The following ANXA4 variants were observed in gnomAD, a reference collection of about 807,000 sequenced individuals.
ANXA4 encodes 35-beta calcimedin.
A neutral mutation model predicts 49.8 loss-of-function variants in ANXA4; 39 were observed. That is an observed-to-expected ratio of 0.78 (90% CI 0.61 to 1.02). The LOEUF (loss-of-function observed/expected upper bound fraction) is 1.02, where lower values mean the gene tolerates loss of function less well. ANXA4 is among the 50% of genes least tolerant of loss of function. The pLI, the probability that ANXA4 is intolerant of heterozygous loss-of-function variation, is 0.00. For synonymous variants in ANXA4, 134 were observed against 152.5 expected (o/e 0.88, Z 0.89); for missense variants, 360 against 410.1 (o/e 0.88, Z 1.05).
intron 3 of ANXA4, among the ~76,000 whole-genome samples, chr2:69,793,638 C>T (rs6711777): frequency 0.34 from 51,149 of 151,990 alleles, 9,837 homozygotes; most frequent in African/African-American, 0.49. Context: ...AGGAATACAG[C>T]TTCCAGGGCC....
In ANXA4 at chr2:69,724,765, G is replaced by GGCAA. The variant is rs1487035191; in HGVS notation, n.864+3896_864+3899dup. 2.6e-5 allele frequency among the ~76,000 whole-genome samples: 4 copies of GGCAA among 152,340 alleles called. No individual in the cohort carries two copies. The East Asian group carries it at 5.8e-4, about 22-fold the overall frequency. On this transcript the variant is annotated intron_variant and non_coding_transcript_variant, in intron 3 of 3. Coordinates refer to the ANXA4 transcript ENST00000418066. The stretch of plus-strand genomic sequence containing the variant: ...GGGGCAAGAAAGAAAGATAAGCTGG[G>GGCAA]GCAAGAAAGATGAACTCATTCGGCC...
intron 1 of ANXA4, among the ~76,000 whole-genome samples, chr2:69,767,714 T>A (rs1022640520): frequency 2.0e-5 from 3 of 152,132 alleles, no homozygotes; most frequent in African/African-American, 7.2e-5. Flanking sequence ...AAAAGTGTGG[T>A]CCAGTTTCCA....
At chr2:69,747,531 C>CT (rs1425325089) in intron 1 of ANXA4, among the ~76,000 whole-genome samples, 1 of 152,332 alleles carries the variant, frequency 6.6e-6, no homozygotes, top group African/African-American at 2.4e-5. Flanking sequence ...TTATAAGAAT[C>CT]TGACTGAAGC....
intron 1 of ANXA4, among the ~76,000 whole-genome samples, chr2:69,748,461 T>C (rs1350671640): frequency 6.6e-6 from 1 of 151,010 alleles, no homozygotes; most frequent in Non-Finnish European, 1.5e-5. Flanking sequence ...TAATTTTGCA[T>C]TATTTTTCAT....
At chr2:69,684,727 T>C (rs922670420) in intron 2 of ANXA4, among the ~76,000 whole-genome samples, 2 of 147,906 alleles carry the variant, frequency 1.4e-5, no homozygotes, top group Non-Finnish European at 3.0e-5. Flanking sequence ...AAAAACCCCA[T>C]CAGGTAAAAT....
chr2:69,732,764 A>G (rs1372607601), intron 3 of ANXA4, among the ~76,000 whole-genome samples: 1 of 152,224 alleles, frequency 6.6e-6, no homozygotes, highest in Non-Finnish European at 1.5e-5. Context: ...GTCTCAAAAA[A>G]AGAAAAAAAA....
intron 7 of ANXA4, 120 bp from the exon 8 acceptor site, chr2:69,812,533 T>A (rs1673752584): frequency 6.6e-6 from 5 of 760,090 alleles, no homozygotes; most frequent in Non-Finnish European, 1.1e-5. Context: ...CCTCCCTGGG[T>A]CTGAAGCTCC....
intron 1 of ANXA4, among the ~76,000 whole-genome samples, chr2:69,774,310 G>A (rs114061098): frequency 6.7e-6 from 1 of 149,148 alleles, no homozygotes; most frequent in African/African-American, 2.5e-5. Flanking sequence ...GTTATATGAG[G>A]TGTTTATGTA....
intron 1 of ANXA4, among the ~76,000 whole-genome samples, chr2:69,745,013 C>G (rs984890366): frequency 3.3e-5 from 5 of 152,070 alleles, no homozygotes; most frequent in African/African-American, 1.2e-4. Flanking sequence ...CAGGAGGATC[C>G]CTTGAGCCCA....
At chr2:69,655,333 A>G (rs1676395340) in intron 2 of ANXA4, among the ~76,000 whole-genome samples, 1 of 152,244 alleles carries the variant, frequency 6.6e-6, no homozygotes, top group Admixed American at 6.5e-5. Flanking sequence ...ATTTACAAGA[A>G]AAAAACAGAC....
At chr2:69,764,252 A>G (rs1015514214) in intron 1 of ANXA4, among the ~76,000 whole-genome samples, 2 of 152,176 alleles carry the variant, frequency 1.3e-5, no homozygotes, top group African/African-American at 4.8e-5. Flanking sequence ...CTCACCTGTA[A>G]TAGTTTACCA....
At chr2:69,745,262 A>G (rs533524912) in intron 1 of ANXA4, among the ~76,000 whole-genome samples, 4 of 152,276 alleles carry the variant, frequency 2.6e-5, no homozygotes, top group African/African-American at 9.6e-5. Context: ...TTGAGGAAGT[A>G]GTTTTTAAAA....
chr2:69,709,496 A>G (rs564749633), intron 2 of ANXA4, among the ~76,000 whole-genome samples: 5 of 152,332 alleles, frequency 3.3e-5, no homozygotes, highest in African/African-American at 7.2e-5. Flanking sequence ...CAGCAGAAGC[A>G]CAGACACGCT....
Position 69,700,772 on chromosome 2 carries a change from A to G in ANXA4, n.767-20002A>G, listed in dbSNP as rs1226992291. 6.6e-5 allele frequency among the ~76,000 whole-genome samples: 10 copies of G among 152,244 alleles called. No homozygotes were observed. The East Asian group carries it at 1.3e-3, about 20-fold the overall frequency. ...AGCTGTTTGAAGATTTTGCTGTTAC[A>G]GCTATAGAAATGAACATACTTGGCA... On this transcript the variant is annotated intron_variant and non_coding_transcript_variant, in intron 2 of 3. Transcript: ENST00000418066.
chr2:69,804,477 G>C (rs1407538936), intron 3 of ANXA4, 56 bp from the exon 4 acceptor site: 2 of 1,510,600 alleles, frequency 1.3e-6, no homozygotes, highest in Non-Finnish European at 1.8e-6. Flanking sequence ...AGAGGAACCT[G>C]CTTTCTCATT....
chr2:69,694,253 A>G (rs938725472), intron 2 of ANXA4, among the ~76,000 whole-genome samples: 2 of 152,172 alleles, frequency 1.3e-5, no homozygotes, highest in Non-Finnish European at 2.9e-5. Flanking sequence ...TGCCCCTTCC[A>G]CAATGTGAGA....
At chr2:69,730,985 G>T (rs1559119579) in intron 3 of ANXA4, among the ~76,000 whole-genome samples, 1 of 152,172 alleles carries the variant, frequency 6.6e-6, no homozygotes. Context: ...TGCCTTTTAG[G>T]TCGATGGGTT....
chr2:69,825,361 A>C, intron 12 of ANXA4, 95 bp from the exon 13 acceptor site: 1 of 1,001,590 alleles, frequency 1.0e-6, no homozygotes, highest in Non-Finnish European at 1.5e-6. Flanking sequence ...GCTAAGAAAA[A>C]TCCAGCCAAG....
chr2:69,731,976 C>CT lies in ANXA4; in HGVS notation n.864+11108dup, dbSNP rs1349540007. 1.0e-3 allele frequency among the ~76,000 whole-genome samples: 107 copies of CT among 106,998 alleles called. 2 individuals are homozygous for CT. The highest frequency in any genetic ancestry group is 4.1e-3 in the African/African-American group (102 of 24,930). 70.2% of individuals were successfully genotyped at this position (106,998 alleles called of 152,430 possible). ...CTATTTCTTAGTTACATTTTCTTTTCTTTCTTTTTTTTTTTTTTTTTTGAG... is the reference window on the plus strand; with the variant it reads ...CTATTTCTTAGTTACATTTTCTTTTCTTTTCTTTTTTTTTTTTTTTTTTGAG... On this transcript the variant is annotated intron_variant and non_coding_transcript_variant, in intron 3 of 3. Coordinates refer to the ANXA4 transcript ENST00000418066.
Sources: allele counts gnomAD v4.1 joint callset (sites outside exome capture counted in the v4.1 genomes callset), GRCh38; gene constraint gnomAD v4.1.1; transcripts MANE v1.5; gene names NCBI Gene and HGNC (gene_info 2026-07-23, HGNC 2026-07-21).